The following MTMR7 variants were observed in gnomAD, a reference collection of about 807,000 sequenced individuals.
MTMR7 encodes the protein phosphatidylinositol-3-phosphate phosphatase MTMR7.
In MTMR7, 76 loss-of-function variants were observed where a neutral mutation model predicts 81.2. The ratio of observed to expected loss-of-function variants is 0.94; its 90% confidence interval spans 0.78 to 1.13. The LOEUF (loss-of-function observed/expected upper bound fraction) is 1.13. Among genes scored for constraint, MTMR7 ranks in the 50% most tolerant of loss-of-function variants. The pLI is 0.00. For missense variants in MTMR7, 1,044 were observed against 820.0 expected (o/e 1.27, Z -3.34); for synonymous variants, 372 against 289.8 (o/e 1.28, Z -2.88).
At chr8:17,402,093 A>G (rs532790448) in intron 1 of MTMR7, among the ~76,000 whole-genome samples, 34 of 152,218 alleles carry the variant, frequency 2.2e-4, no homozygotes, top group African/African-American at 7.9e-4. Flanking sequence ...ATTATTTTTA[A>G]AAATTTTTTT....
intron 1 of MTMR7, among the ~76,000 whole-genome samples, chr8:17,394,806 T>C (rs1051600330): frequency 4.1e-5 from 6 of 147,436 alleles, no homozygotes; most frequent in Non-Finnish European, 9.1e-5. Flanking sequence ...GTCATGCTAA[T>C]AGTTGATATA....
In MTMR7 at chr8:17,366,885, C is replaced by CAAAAAAAAAAAAAAAAAAAAA. The variant is rs1277882494; in HGVS notation, c.310+4151_310+4152insTTTTTTTTTTTTTTTTTTTTT. ...TGGATGACAGAGCGAGACTCCATCT[C>CAAAAAAAAAAAAAAAAAAAAA]AAAAAAAAAAAAACTGTAGCTGAAA... On this transcript the variant is annotated intron_variant, in intron 3 of 13. Transcript: ENST00000180173. 4.0e-3 allele frequency among the ~76,000 whole-genome samples: 354 copies of CAAAAAAAAAAAAAAAAAAAAA among 87,914 alleles called. 33 individuals carry two copies. Among genetic ancestry groups the CAAAAAAAAAAAAAAAAAAAAA allele is most frequent in the African/African-American group, 0.02 (340 of 16,750 alleles). 57.7% of individuals were successfully genotyped at this position (87,914 alleles called of 152,430 possible).
In MTMR7 at chr8:17,348,996, C is replaced by G. The variant is rs774875354; in HGVS notation, c.554G>C (p.Arg185Thr). 1.2e-6 allele frequency: 2 copies of G among 1,613,520 alleles called. No homozygotes were observed. Among genetic ancestry groups the G allele is most frequent in the Non-Finnish European group, 1.7e-6 (2 of 1,179,956 alleles). ...GTAAGAAAGGACAGGAAATCGCCGTCTACTCCGGAATTTGGAACTCCCCAC... is the reference window on the plus strand; with the variant it reads ...GTAAGAAAGGACAGGAAATCGCCGTGTACTCCGGAATTTGGAACTCCCCAC... ...IIVGSSKFRS[R>T]RRFPVLSYYY... The change falls in exon 5 of 14, where the codon AGA becomes ACA. Residue 185 changes from arginine (R) to threonine (T), a missense_variant. Transcript: ENST00000180173.
At chr8:17,311,401 A>G in intron 9 of MTMR7, 110 bp downstream of exon 9, 1 of 1,454,944 alleles carries the variant, frequency 6.9e-7, no homozygotes, top group Non-Finnish European at 9.4e-7. Context: ...TGAGCTACTA[A>G]AAGAAAAATA....
intron 4 of MTMR7, among the ~76,000 whole-genome samples, chr8:17,352,807 T>C (rs912257986): frequency 2.0e-5 from 3 of 152,082 alleles, no homozygotes; most frequent in African/African-American, 7.2e-5. Flanking sequence ...CTAGTACTGG[T>C]GAGCACTCAG....
At position 17,408,115 on chromosome 8, in the gene MTMR7, G is replaced by A. The variant is rs112741303; in HGVS notation, c.24+5154C>T. On this transcript the variant is annotated intron_variant, in intron 1 of 13. Coordinates refer to ENST00000180173, the MANE Select transcript of MTMR7 (RefSeq NM_004686.5). ...AGCAAGAACATCATGGAGAGGCCGG[G>A]CGCGGTGGCTCACGCCTGTAATCCC... is the stretch of plus-strand genomic sequence containing the variant. Among the ~76,000 whole-genome samples, 520 of 59,674 alleles carry A rather than the reference G, an allele frequency of 8.7e-3. 67 individuals are homozygous for A. Among genetic ancestry groups the A allele is most frequent in the African/African-American group, 0.016 (492 of 30,868 alleles). 39.1% of individuals were successfully genotyped at this position (59,674 alleles called of 152,430 possible).
At position 17,341,381 on chromosome 8, in the gene MTMR7, G is replaced by A. The variant is rs116677265; in HGVS notation, c.714C>T (p.Val238=). The change falls in exon 6 of 14, where the codon GTC becomes GTT. Residue 238 remains valine (V), a synonymous_variant. Coordinates refer to ENST00000180173, the MANE Select transcript of MTMR7 (RefSeq NM_004686.5). ...CACTTACTTTAGGCCGGGTGTCAAC[G>A]ACATAAACGAAGTCACTTCCTGGAT... is the stretch of plus-strand genomic sequence containing the variant. ...KANPGSDFVY[V]VDTRPKLNAM... is the part of the protein sequence containing the mutation. 8,195 of 1,614,152 alleles carry A rather than the reference G, an allele frequency of 5.1e-3. 371 individuals are homozygous for A. In the Admixed American group the frequency reaches 0.092, roughly 18 times the overall value.
intron 4 of MTMR7, among the ~76,000 whole-genome samples, chr8:17,359,593 A>AAAAAAAG: frequency 6.6e-6 from 1 of 151,436 alleles, no homozygotes; most frequent in East Asian, 1.9e-4. Context: ...TTAAAAAAAA[A>AAAAAAAG]AAAAAACCTG....
intron 4 of MTMR7, 77 bp from the exon 5 acceptor site, chr8:17,349,158 A>C (rs1819652177): frequency 6.5e-7 from 1 of 1,534,110 alleles, no homozygotes; most frequent in African/African-American, 1.4e-5. Flanking sequence ...ATTCCACTTC[A>C]CCACGCTTAC....
At chr8:17,362,562 G>A (rs987106665) in intron 3 of MTMR7, among the ~76,000 whole-genome samples, 9 of 152,172 alleles carry the variant, frequency 5.9e-5, no homozygotes, top group Admixed American at 5.9e-4. Flanking sequence ...AGTTACCGGA[G>A]AGTCCAGGTT....
chr8:17,336,740 C>T (rs1397307416), intron 6 of MTMR7, among the ~76,000 whole-genome samples: 1 of 152,194 alleles, frequency 6.6e-6, no homozygotes, highest in Non-Finnish European at 1.5e-5. Context: ...TCTCTTCATG[C>T]CTCAGCACCC....
At chr8:17,350,399 G>T (rs144223443) in intron 4 of MTMR7, among the ~76,000 whole-genome samples, 1 of 152,238 alleles carries the variant, frequency 6.6e-6, no homozygotes, top group Non-Finnish European at 1.5e-5. Flanking sequence ...CACGTCTTAC[G>T]TGGTAGCAGG....
intron 7 of MTMR7, among the ~76,000 whole-genome samples, chr8:17,316,313 T>G (rs549359927): frequency 2.0e-5 from 3 of 152,120 alleles, no homozygotes; most frequent in African/African-American, 7.2e-5. Context: ...CTGCAATTTT[T>G]ATCCAACTTT....
In MTMR7 at chr8:17,299,577, AG is replaced by A. The variant is rs1816962323; in HGVS notation, c.*284del. 1 of 368,144 alleles carries A rather than the reference AG, an allele frequency of 2.7e-6. No homozygotes were observed. Among genetic ancestry groups the A allele is most frequent in the African/African-American group, 2.0e-5 (1 of 49,198 alleles). 22.8% of individuals were successfully genotyped at this position (368,144 alleles called of 1,614,324 possible). ...AAGGAAGATAGATACTGATCACTTCAGGTAATGACAGAAGTAATTGCTCTGC... is the reference window on the plus strand; with the variant it reads ...AAGGAAGATAGATACTGATCACTTCAGTAATGACAGAAGTAATTGCTCTGC... On this transcript the variant is annotated 3_prime_UTR_variant, in exon 14 of 14. Coordinates refer to ENST00000180173, the MANE Select transcript of MTMR7 (RefSeq NM_004686.5).
At chr8:17,304,746 C>CGTGTGTGTGTATGTGTGT (rs1817341146) in intron 11 of MTMR7, among the ~76,000 whole-genome samples, 1 of 146,992 alleles carries the variant, frequency 6.8e-6, no homozygotes, top group Non-Finnish European at 1.5e-5. Context: ...GTGTTCGATT[C>CGTGTGTGTGTATGTGTGT]GTGTGTGTGT....
chr8:17,370,130 T>TG (rs1820369999), intron 3 of MTMR7, among the ~76,000 whole-genome samples: 1 of 145,192 alleles, frequency 6.9e-6, no homozygotes, highest in South Asian at 2.1e-4. Context: ...CACATTAAGT[T>TG]TTTTTTTTTT....
Position 17,364,614 on chromosome 8 carries a change from T to C in MTMR7, c.311-3340A>G, listed in dbSNP as rs1318298283. Among the ~76,000 whole-genome samples the C allele has an allele frequency of 2.6e-5, 4 of 152,086 alleles. No homozygotes were observed. In the East Asian group the frequency reaches 7.7e-4, roughly 29 times the overall value. ...CAGCCTCTGGTAACCACCATTCTAC[T>C]CTCTGCTTCTATGAGTTTAACTGTC... On this transcript the variant is annotated intron_variant, in intron 3 of 13. Transcript: ENST00000180173.
rs762947673 is a variant in MTMR7, at chr8:17,349,066, G to C, written c.484C>G (p.Pro162Ala). The change falls in exon 5 of 14, where the codon CCT becomes GCT. Residue 162 changes from proline (P) to alanine (A), a missense_variant. Transcript: ENST00000180173. Reference sequence around the variant, plus strand: ...GATTTGGGAACGTACAGTTCAGTAGGATAAGAGTCACAGACCTGTCACCAG... The same window carrying C: ...GATTTGGGAACGTACAGTTCAGTAGCATAAGAGTCACAGACCTGTCACCAG... The part of the protein sequence containing the change: ...NRDYRVCDSY[P>A]TELYVPKSAT... 1.2e-6 allele frequency: 2 copies of C among 1,611,640 alleles called. No individual in the cohort carries two copies. Among genetic ancestry groups the C allele is most frequent in the Middle Eastern group, 1.6e-4 (1 of 6,062 alleles).
intron 7 of MTMR7, among the ~76,000 whole-genome samples, chr8:17,321,201 G>A (rs1172660750): frequency 7.2e-5 from 11 of 152,294 alleles, no homozygotes; most frequent in African/African-American, 2.2e-4. Flanking sequence ...TAAAAATAAA[G>A]ACACTGGGCT....
Sources: allele counts gnomAD v4.1 joint callset (sites outside exome capture counted in the v4.1 genomes callset), GRCh38; gene constraint gnomAD v4.1.1; transcripts MANE v1.5; gene names NCBI Gene and HGNC (gene_info 2026-07-23, HGNC 2026-07-21).